CALN1: variants seen among roughly 807,000 people sequenced by gnomAD.
The protein encoded by CALN1 is calcium-binding protein 8.
CALN1 carries 17 observed loss-of-function variants against 30.6 expected under a neutral mutation model. The observed-to-expected ratio is 0.56, with a 90% confidence interval of 0.38 to 0.83. The LOEUF is 0.83. CALN1 is among the 40% of genes least tolerant of loss of function. CALN1 has a pLI of 0.00. For synonymous variants in CALN1, 156 were observed against 131.4 expected (o/e 1.19, Z -1.28); for missense variants, 291 against 354.9 (o/e 0.82, Z 1.45).
chr7:72,501,908 C>CAAAAAAAAAAAAAAAAAA, the CALN1 span, among the ~76,000 whole-genome samples: 1 of 24,734 alleles, frequency 4.0e-5, no homozygotes, highest in Admixed American at 7.9e-4. Flanking sequence ...GATTTCGTCT[C>CAAAAAAAAAAAAAAAAAA]AAAAAAAAAA....
intron 3 of CALN1, among the ~76,000 whole-genome samples, chr7:72,207,551 G>A (rs538826903): frequency 1.1e-4 from 16 of 152,144 alleles, no homozygotes; most frequent in Admixed American, 6.5e-4. Flanking sequence ...GTGCAATCTC[G>A]GCTCACTGCA....
At chr7:72,297,407 C>G (rs922365928) in intron 2 of CALN1, among the ~76,000 whole-genome samples, 1 of 152,124 alleles carries the variant, frequency 6.6e-6, no homozygotes, top group Admixed American at 6.5e-5. Flanking sequence ...AAATCTCTGA[C>G]AGGTTTATTA....
intron 3 of CALN1, among the ~76,000 whole-genome samples, chr7:72,141,550 C>G (rs1342775809): frequency 2.0e-5 from 3 of 152,094 alleles, no homozygotes; most frequent in Admixed American, 2.0e-4. Context: ...CAAAACTCCA[C>G]CCTCAGATGA....
chr7:71,798,123 C>CAGAGAGAGAGAG (rs3973907), intron 6 of CALN1, among the ~76,000 whole-genome samples: 48 of 71,036 alleles, frequency 6.8e-4, no homozygotes, highest in Non-Finnish European at 6.2e-4. Context: ...GAGACAGAGA[C>CAGAGAGAGAGAG]AGAGAGAGAG....
chr7:72,365,871 C>T (rs958113141), intron 2 of CALN1, among the ~76,000 whole-genome samples: 3 of 152,114 alleles, frequency 2.0e-5, no homozygotes, highest in African/African-American at 7.2e-5. Flanking sequence ...TACCCTCTCG[C>T]CCAGTTGGTT....
At chr7:72,194,109 A>G (rs1790820082) in intron 3 of CALN1, among the ~76,000 whole-genome samples, 1 of 152,240 alleles carries the variant, frequency 6.6e-6, no homozygotes, top group Non-Finnish European at 1.5e-5. Flanking sequence ...TATTGAAATA[A>G]ATAAATACAA....
At chr7:71,832,326 G>A (rs1190865043) in intron 5 of CALN1, among the ~76,000 whole-genome samples, 1 of 152,184 alleles carries the variant, frequency 6.6e-6, no homozygotes, top group Non-Finnish European at 1.5e-5. Context: ...TTCAGATAGA[G>A]AAGAAAGCCA....
intron 6 of CALN1, among the ~76,000 whole-genome samples, chr7:71,795,432 A>G (rs1786839580): frequency 6.6e-6 from 1 of 152,146 alleles, no homozygotes; most frequent in East Asian, 1.9e-4. Context: ...TATTTGTTGT[A>G]ATGATCTAGC....
intron 5 of CALN1, among the ~76,000 whole-genome samples, chr7:71,836,893 C>T (rs1047442662): frequency 9.4e-5 from 14 of 148,266 alleles, no homozygotes; most frequent in Middle Eastern, 3.4e-3. Context: ...GCTGGGATTA[C>T]AGGCGTGAGC....
At chr7:72,312,081 T>C (rs961160577) in intron 2 of CALN1, among the ~76,000 whole-genome samples, 2 of 152,066 alleles carry the variant, frequency 1.3e-5, no homozygotes, top group Non-Finnish European at 2.9e-5. Context: ...CCACCTGCCC[T>C]AGACTACAAG....
chr7:72,095,977 T>C (rs1434834816), intron 4 of CALN1, among the ~76,000 whole-genome samples: 1 of 151,978 alleles, frequency 6.6e-6, no homozygotes, highest in Non-Finnish European at 1.5e-5. Flanking sequence ...GGGGCAAGGC[T>C]GCAGTGAGCT....
intron 6 of CALN1, among the ~76,000 whole-genome samples, chr7:71,793,329 C>T (rs777086642): frequency 1.1e-4 from 17 of 152,116 alleles, no homozygotes; most frequent in Middle Eastern, 3.4e-3. Context: ...AAAAAAAGCA[C>T]AGAGGAGCTT....
At chr7:71,897,991 A>AAAG (rs1793628786) in intron 5 of CALN1, among the ~76,000 whole-genome samples, 1 of 110,568 alleles carries the variant, frequency 9.0e-6, no homozygotes, top group African/African-American at 4.1e-5. Context: ...AAAAAAAAAA[A>AAAG]AGAGAGAGAG....
intron 5 of CALN1, among the ~76,000 whole-genome samples, chr7:71,885,765 G>C (rs1562871948): frequency 6.6e-6 from 1 of 152,218 alleles, no homozygotes; most frequent in Non-Finnish European, 1.5e-5. Flanking sequence ...CGAGCAGACA[G>C]ATTTGCCAAA....
At chr7:72,501,976 T>C in the CALN1 span, among the ~76,000 whole-genome samples, 8,712 of 108,166 alleles carry the variant, frequency 0.081, 900 homozygotes, top group African/African-American at 0.11. Flanking sequence ...TAAATATATA[T>C]ACACACATAT....
At chr7:72,134,434 C>G (rs1414204899) in intron 3 of CALN1, among the ~76,000 whole-genome samples, 1 of 152,132 alleles carries the variant, frequency 6.6e-6, no homozygotes, top group Non-Finnish European at 1.5e-5. Context: ...TCAGACACAC[C>G]TCAAAGATAT....
intron 5 of CALN1, among the ~76,000 whole-genome samples, chr7:72,019,626 C>T (rs765661945): frequency 1.3e-5 from 2 of 152,108 alleles, no homozygotes; most frequent in Admixed American, 6.5e-5. Flanking sequence ...CCGTCAACCA[C>T]CAGCGTCACC....
chr7:71,977,900 C>CCAGCCT (rs1798178795), intron 5 of CALN1, among the ~76,000 whole-genome samples: 1 of 149,262 alleles, frequency 6.7e-6, no homozygotes, highest in Non-Finnish European at 1.5e-5. Flanking sequence ...CCACTGCACT[C>CCAGCCT]CAGCCTGGGA....
intron 2 of CALN1, among the ~76,000 whole-genome samples, chr7:72,348,380 C>A (rs560393430): frequency 7.2e-5 from 11 of 152,154 alleles, no homozygotes; most frequent in Non-Finnish European, 1.0e-4. Flanking sequence ...AAACAGAACA[C>A]AGGGGTCTCA....
Sources: gnomAD v4.1 joint callset for allele counts (sites outside exome capture counted in the v4.1 genomes callset) on GRCh38, gnomAD v4.1.1 for gene constraint, MANE v1.5 for transcripts, NCBI Gene and HGNC (gene_info 2026-07-23, HGNC 2026-07-21) for gene names.